Variants in GATB observed in about 807,000 individuals in gnomAD.
GATB encodes glutamyl-tRNA amidotransferase subunit B.
A neutral mutation model predicts 62.3 loss-of-function variants in GATB; 39 were observed. The observed-to-expected ratio is 0.63, with a 90% CI of 0.48 to 0.82. The LOEUF (loss-of-function observed/expected upper bound fraction) is 0.82. Ranked by LOEUF, GATB falls within the 40% of genes least tolerant of loss-of-function variation. The pLI, the probability that GATB is intolerant of heterozygous loss-of-function variation, is 0.00. For missense variants in GATB, 670 were observed against 684.0 expected, an observed-to-expected ratio of 0.98 and a Z score of 0.23; for synonymous variants, 276 against 258.9, an observed-to-expected ratio of 1.07 and a Z score of -0.63.
At position 151,730,533 on chromosome 4, in the gene GATB, A is replaced by C. The variant is rs1026334846; in HGVS notation, c.328-10995T>G. ...CACGGAGTCCACTGCACCCTCTGCC[A>C]CCTTCACCAGAACAGGCGCTGGTAT... On this transcript the variant is annotated intron_variant, in intron 2 of 12. Transcript: ENST00000263985. The surrounding 1 kb of genome is among the most constrained non-coding windows in gnomAD (Gnocchi z 4.1). 2.0e-5 allele frequency among the ~76,000 whole-genome samples: 3 copies of C among 152,202 alleles called. No homozygotes were observed. Among genetic ancestry groups the C allele is most frequent in the African/African-American group, 4.8e-5 (2 of 41,446 alleles).
rs1738604826 is a variant in GATB at position 151,701,492 on chromosome 4, G to A, written c.1034C>T (p.Pro345Leu). The A allele has an allele frequency of 1.3e-6, 2 of 1,575,144 alleles. No individual in the cohort carries two copies. The highest frequency in any genetic ancestry group is 1.4e-5 in the African/African-American group (1 of 73,506). ...YRFMPEPNLP[P>L]LVLYDATSLP... ...AGATGTGGCGTCGTAGAGCACCAGGGGAGGCAGGTTGGGTTCTGGCATGAA... is the reference window on the plus strand; with the variant it reads ...AGATGTGGCGTCGTAGAGCACCAGGAGAGGCAGGTTGGGTTCTGGCATGAA... The change falls in exon 9 of 13, where the codon CCC (proline) becomes CTC (leucine). Residue 345 changes from proline to leucine, a missense_variant. Transcript: ENST00000263985.
At chr4:151,714,727 A>C (rs1213633017) in intron 5 of GATB, among the ~76,000 whole-genome samples, 1 of 152,228 alleles carries the variant, frequency 6.6e-6, no homozygotes, top group African/African-American at 2.4e-5. Context: ...AACTTTCTTA[A>C]AGCAATCAAC....
chr4:151,703,508 A>C, intron 8 of GATB: 1 of 304,748 alleles, frequency 3.3e-6, no homozygotes. Context: ...CGTATTACTG[A>C]ATCAGTTACT....
At chr4:151,721,451 T>C in intron 2 of GATB, 1 of 152,214 alleles carries the variant, frequency 6.6e-6, no homozygotes, top group East Asian at 1.9e-4. Flanking sequence ...GCTCTAATTA[T>C]TGATGTTTTC....
chr4:151,699,769 A>G (rs1738561520), intron 9 of GATB, among the ~76,000 whole-genome samples: 2 of 146,832 alleles, frequency 1.4e-5, no homozygotes, highest in African/African-American at 5.4e-5. Flanking sequence ...TCTTATGGAG[A>G]CAGCTAATAC....
chr4:151,746,119 C>T (rs1739589222), intron 2 of GATB, among the ~76,000 whole-genome samples: 2 of 152,232 alleles, frequency 1.3e-5, no homozygotes, highest in Admixed American at 1.3e-4. Flanking sequence ...GCAGAGGCAA[C>T]GGTGTCCTCT....
chr4:151,727,170 C>G (rs1739153932), intron 2 of GATB, among the ~76,000 whole-genome samples: 1 of 152,234 alleles, frequency 6.6e-6, no homozygotes, highest in African/African-American at 2.4e-5. Flanking sequence ...GTGTGCCCGC[C>G]TCAGCCTCCC....
At chr4:151,759,195 C>G (rs1426260490) in intron 1 of GATB, among the ~76,000 whole-genome samples, 1 of 152,128 alleles carries the variant, frequency 6.6e-6, no homozygotes, top group Non-Finnish European at 1.5e-5. Context: ...GAGAAAGGAA[C>G]AATTTGGCGT....
intron 2 of GATB, among the ~76,000 whole-genome samples, chr4:151,737,229 T>G (rs994522485): frequency 6.6e-6 from 1 of 152,222 alleles, no homozygotes; most frequent in Non-Finnish European, 1.5e-5. Context: ...AGGTCCAGGC[T>G]GAGGTGGTCT....
intron 2 of GATB, among the ~76,000 whole-genome samples, chr4:151,737,850 CA>C (rs1739408662): frequency 6.6e-6 from 1 of 152,162 alleles, no homozygotes; most frequent in African/African-American, 2.4e-5. Context: ...CCTGTGGGTG[CA>C]CAGAAGTCAA....
chr4:151,758,751 A>G (rs1440247910), intron 2 of GATB, 21 bp downstream of exon 2: 9 of 1,500,552 alleles, frequency 6.0e-6, no homozygotes, highest in Non-Finnish European at 8.1e-6. Flanking sequence ...TAATGAAAAT[A>G]GGATTAAATA....
chr4:151,689,749 C>T (rs535152305), intron 9 of GATB, among the ~76,000 whole-genome samples: 11 of 152,104 alleles, frequency 7.2e-5, no homozygotes, highest in South Asian at 2.1e-4. Context: ...ACATGAGGCG[C>T]GCATTCTTAT....
intron 2 of GATB, among the ~76,000 whole-genome samples, chr4:151,739,001 C>A (rs984060351): frequency 6.6e-6 from 1 of 152,126 alleles, no homozygotes; most frequent in Non-Finnish European, 1.5e-5. Context: ...TTGGGATGGC[C>A]TATGAGTTGG....
At chr4:151,706,328 G>T (rs1425195999) in intron 6 of GATB, among the ~76,000 whole-genome samples, 1 of 152,126 alleles carries the variant, frequency 6.6e-6, no homozygotes, top group African/African-American at 2.4e-5. Context: ...GAAGGTTAGG[G>T]GTCTCCTTCA....
At chr4:151,745,693 C>A (rs1157968352) in intron 2 of GATB, among the ~76,000 whole-genome samples, 2 of 152,164 alleles carry the variant, frequency 1.3e-5, no homozygotes, top group Non-Finnish European at 2.9e-5. Flanking sequence ...TATTTCTTCC[C>A]CTCTTCATTC....
At position 151,680,957 on chromosome 4, in the gene GATB, A is replaced by G. The variant is rs563947007; in HGVS notation, c.1332-1066T>C. ...GCTCATGAGATGCTGCCTATCTGAG[A>G]TCATTTGGGGACTGGTTTTAAAAAG... On this transcript the variant is annotated intron_variant, in intron 10 of 12. Coordinates refer to ENST00000263985, the MANE Select transcript of GATB (RefSeq NM_004564.3). Among the ~76,000 whole-genome samples, 107 of 152,296 alleles carry G rather than the reference A, an allele frequency of 7.0e-4. 1 individual carries two copies. Among genetic ancestry groups the G allele is most frequent in the African/African-American group, 2.5e-3 (105 of 41,556 alleles).
chr4:151,670,980 C>T lies in GATB; in HGVS notation c.*194G>A, dbSNP rs1023192034. The T allele has an allele frequency of 6.8e-5, 41 of 605,400 alleles. No individual in the cohort carries two copies. Among genetic ancestry groups the T allele is most frequent in the African/African-American group, 4.0e-4 (22 of 54,520 alleles). 37.5% of individuals were successfully genotyped at this position (605,400 alleles called of 1,614,324 possible). A position where few individuals can be genotyped will look rare whatever the true frequency, so the allele number is the denominator to read the frequency against. On this transcript the variant is annotated 3_prime_UTR_variant, in exon 13 of 13. Transcript: ENST00000263985. ...TGAAGCAGGCGGGGTGGCTGCTGGT[C>T]GGCTGTGGAGGCACCTCCAGGCACA...
intron 9 of GATB, among the ~76,000 whole-genome samples, chr4:151,692,565 A>G (rs1451313639): frequency 1.3e-5 from 2 of 152,172 alleles, no homozygotes; most frequent in African/African-American, 4.8e-5. Flanking sequence ...GTGGCATGAC[A>G]CACACCTGTT....
In GATB at chr4:151,757,773, G is replaced by A. The variant is rs146860030; in HGVS notation, c.327+999C>T. Among the ~76,000 whole-genome samples the A allele has an allele frequency of 1.6e-4, 24 of 151,990 alleles. No homozygotes were observed. In the East Asian group the frequency reaches 2.5e-3, roughly 16 times the overall value. On this transcript the variant is annotated intron_variant, in intron 2 of 12. Coordinates refer to ENST00000263985, the MANE Select transcript of GATB (RefSeq NM_004564.3). Reference sequence around the variant, plus strand: ...ATTACAGGCGTGAGCCACCGCGCCCGGCCTCAACCAGCTTCCACTCTTATT... The same window carrying A: ...ATTACAGGCGTGAGCCACCGCGCCCAGCCTCAACCAGCTTCCACTCTTATT...
Sources: allele counts gnomAD v4.1 joint callset (sites outside exome capture counted in the v4.1 genomes callset), GRCh38; gene constraint gnomAD v4.1.1; non-coding constraint Gnocchi (gnomAD v3.1); transcripts MANE v1.5; gene names NCBI Gene and HGNC (gene_info 2026-07-23, HGNC 2026-07-21).